The following CRAT variants were observed in gnomAD, a reference collection of about 807,000 sequenced individuals.
CRAT encodes carnitine O-acetyltransferase, also known as carnitine acetylase.
In CRAT, 66 loss-of-function variants were observed where a neutral mutation model predicts 73.7. The ratio of observed to expected loss-of-function variants is 0.90; its 90% confidence interval spans 0.73 to 1.10. The LOEUF (loss-of-function observed/expected upper bound fraction) is 1.10. CRAT is among the 50% of genes least tolerant of loss of function. CRAT has a pLI of 0.00. For synonymous variants in CRAT, 321 were observed against 343.2 expected (o/e 0.94, Z 0.71); for missense variants, 745 against 846.9 (o/e 0.88, Z 1.49).
intron 12 of CRAT, among the ~76,000 whole-genome samples, 197 bp downstream of exon 12, chr9:129,097,053 G>C (rs888815339): frequency 1.3e-5 from 2 of 149,082 alleles, no homozygotes; most frequent in African/African-American, 5.1e-5. Context: ...GGGCGACAGA[G>C]CAAGACTCCA....
At position 129,106,886 on chromosome 9, in the gene CRAT, T is replaced by C. The variant is rs1197939060; in HGVS notation, c.291+928A>G. ...CCCCCACCTCATTGGCAAGTGACAC[T>C]GGCACTGCCTCCAAAACAGTCCTGG... On this transcript the variant is annotated intron_variant, in intron 2 of 13. Transcript: ENST00000318080. This position sits in a 1 kb window ranked among gnomAD's most constrained non-coding sequence, Gnocchi z 4.0. Among the ~76,000 whole-genome samples, 1 of 152,154 alleles carries C rather than the reference T, an allele frequency of 6.6e-6. No individual in the cohort carries two copies.
chr9:129,109,151 T>C (rs1186039089), intron 1 of CRAT: 7 of 1,303,342 alleles, frequency 5.4e-6, no homozygotes, highest in Non-Finnish European at 7.1e-6. Flanking sequence ...TGCCAGGGAG[T>C]CAGGACAAAA....
chr9:129,097,996 C>G lies in CRAT; in HGVS notation c.1464+17G>C, dbSNP rs778155850. On this transcript the variant is annotated intron_variant, in intron 11 of 13. Transcript: ENST00000318080. Reference sequence around the variant, plus strand: ...GGCTCAGGCCCAGCTCACCCACCCTCGCCCCAGACCTCTCACCGTGACGCT... The same window carrying G: ...GGCTCAGGCCCAGCTCACCCACCCTGGCCCCAGACCTCTCACCGTGACGCT... 3 of 1,610,110 alleles carry G rather than the reference C, an allele frequency of 1.9e-6. No individual in the cohort carries two copies. The highest frequency in any genetic ancestry group is 1.1e-5 in the South Asian group (1 of 91,006).
rs1343824568 is a variant in CRAT, at chr9:129,107,581, C to T, written c.291+233G>A. 4.2e-6 allele frequency: 3 copies of T among 706,804 alleles called. No individual in the cohort carries two copies. The highest frequency in any genetic ancestry group is 7.8e-6 in the Non-Finnish European group (3 of 386,992). The allele number at this position is 706,804 out of a possible 1,614,324, so 43.8% of individuals were successfully genotyped here. A position where few individuals can be genotyped will look rare whatever the true frequency, so the allele number is the denominator to read the frequency against. On this transcript the variant is annotated intron_variant, in intron 2 of 13. Transcript: ENST00000318080. This position sits in a 1 kb window ranked among gnomAD's most constrained non-coding sequence, Gnocchi z 5.0. ...TCTGTCCTGGAACATGAAACCTTGT[C>T]CACAACCTGTATCCTGTTCATTACC... is the stretch of plus-strand genomic sequence containing the variant.
At chr9:129,102,250 TG>T in intron 5 of CRAT, 149 bp downstream of exon 5, 1 of 1,266,824 alleles carries the variant, frequency 7.9e-7, no homozygotes, top group Non-Finnish European at 1.1e-6. Context: ...CTGGCCTCCC[TG>T]GGCCCCCAAT....
At chr9:129,109,237 T>A in intron 1 of CRAT, 1 of 1,304,194 alleles carries the variant, frequency 7.7e-7, no homozygotes, top group Non-Finnish European at 1.0e-6. Flanking sequence ...GGACAGAGAC[T>A]GCCTGGCCGC....
Position 129,101,953 on chromosome 9 carries a change from C to T in CRAT, c.735G>A (p.Lys245=). 3 of 1,614,208 alleles carry T rather than the reference C, an allele frequency of 1.9e-6. No homozygotes were observed. The highest frequency in any genetic ancestry group is 2.5e-6 in the Non-Finnish European group (3 of 1,180,038). ...TGGAGGTGAGGATGCCCACAGGCTC[C>T]TTGTTGGTCTGTAGGGATGAGTTCC... is the stretch of plus-strand genomic sequence containing the variant. ...KIWNSSLQTN[K]EPVGILTSNH... The change falls in exon 6 of 14, where the codon AAG becomes AAA. Residue 245 remains lysine (K), a synonymous_variant. Coordinates refer to ENST00000318080, the MANE Select transcript of CRAT (RefSeq NM_000755.5).
chr9:129,101,205 G>A (rs887943115), intron 6 of CRAT, among the ~76,000 whole-genome samples: 7 of 152,200 alleles, frequency 4.6e-5, no homozygotes, highest in Non-Finnish European at 1.0e-4. Context: ...GGCCCACATT[G>A]CCTGCTCCAC....
intron 1 of CRAT, chr9:129,108,454 G>A: frequency 1.1e-5 from 13 of 1,169,666 alleles, no homozygotes; most frequent in Non-Finnish European, 1.4e-5. Context: ...CCCTCTTGGA[G>A]GTCCCCACGT....
chr9:129,100,969 G>T (rs1255541606), intron 6 of CRAT, among the ~76,000 whole-genome samples: 1 of 152,154 alleles, frequency 6.6e-6, no homozygotes, highest in Non-Finnish European at 1.5e-5. Flanking sequence ...AAGCCCAGGG[G>T]TCACATGGGA....
At chr9:129,100,138 A>G (rs1847570433) in intron 7 of CRAT, 172 bp from the exon 8 acceptor site, 1 of 597,334 alleles carries the variant, frequency 1.7e-6, no homozygotes, top group East Asian at 2.8e-5. Flanking sequence ...TGGTGTGCTA[A>G]GCACATCCCA....
At chr9:129,100,386 G>T in intron 7 of CRAT, 125 bp downstream of exon 7, 1 of 1,205,194 alleles carries the variant, frequency 8.3e-7, no homozygotes, top group Non-Finnish European at 1.1e-6. Flanking sequence ...CCAGCCTGCT[G>T]GCTTCCTGCC....
Position 129,095,415 on chromosome 9 carries a change from GT to G in CRAT, c.1862del (p.His621ProfsTer49). 1 of 1,611,816 alleles carries G rather than the reference GT, an allele frequency of 6.2e-7. No individual in the cohort carries two copies. The highest frequency in any genetic ancestry group is 8.5e-7 in the Non-Finnish European group (1 of 1,179,962). On this transcript the variant is annotated frameshift_variant, in exon 14 of 14. Coordinates refer to ENST00000318080, the MANE Select transcript of CRAT (RefSeq NM_000755.5). LOFTEE classifies it high-confidence loss of function. ...TAGGGGCTCAGAGCTTGGCCCGGGGGTGGCTCTGCAGCAGGGCACGCATGTC... is the reference window on the plus strand; with the variant it reads ...TAGGGGCTCAGAGCTTGGCCCGGGGGGGCTCTGCAGCAGGGCACGCATGTC... The part of the protein sequence containing the change: ...LLDMRALLQS[H>X]PRAKL
intron 1 of CRAT, chr9:129,108,336 C>T (rs1848150485): frequency 1.5e-5 from 18 of 1,217,458 alleles, no homozygotes; most frequent in South Asian, 9.1e-5. Context: ...TCAGGATGAA[C>T]GGCACCTTTG....
At position 129,096,130 on chromosome 9, in the gene CRAT, G is replaced by C; in HGVS notation, c.1533C>G (p.Ile511Met). The C allele has an allele frequency of 6.2e-7, 1 of 1,613,050 alleles. No homozygotes were observed. Among genetic ancestry groups the C allele is most frequent in the East Asian group, 2.2e-5 (1 of 44,876 alleles). ...QAHRGYTDRA[I>M]RGEAFDRHLL... ...GGTGTCGATCAAAGGCCTCCCCGCG[G>C]ATGGCCTGTTGGGGTGGGAGAGCTG... Residue 511 changes from isoleucine to methionine, a missense_variant, in exon 13 of 14, where the codon ATC becomes ATG. Ile to Met is a conservative substitution (Grantham distance 10). Coordinates refer to ENST00000318080, the MANE Select transcript of CRAT (RefSeq NM_000755.5).
At position 129,102,550 on chromosome 9, in the gene CRAT, C is replaced by A; in HGVS notation, c.480G>T (p.Val160=). The stretch of plus-strand genomic sequence containing the variant: ...ACAGTGGCTTCCCCCCCAGGTACTC[C>A]ACGGGCAGGGTCTCGCTATGGGGTA... The part of the protein sequence containing the change: ...KVMIDNETLP[V]EYLGGKPLCM... The change falls in exon 5 of 14, where the codon GTG becomes GTT. Residue 160 remains valine (V), a synonymous_variant. Transcript: ENST00000318080. 1 of 1,614,054 alleles carries A rather than the reference C, an allele frequency of 6.2e-7. No individual in the cohort carries two copies. The highest frequency in any genetic ancestry group is 8.5e-7 in the Non-Finnish European group (1 of 1,179,978).
chr9:129,106,018 C>G lies in CRAT; in HGVS notation c.292-1712G>C, dbSNP rs1470806648. Reference sequence around the variant, plus strand: ...ACAGCTTTCTCTGGCCTTCCACCCCCAGAGACCTGGGCCCACCTGCGCCCC... The same window carrying G: ...ACAGCTTTCTCTGGCCTTCCACCCCGAGAGACCTGGGCCCACCTGCGCCCC... On this transcript the variant is annotated intron_variant, in intron 2 of 13. Transcript: ENST00000318080. This position sits in a 1 kb window ranked among gnomAD's most constrained non-coding sequence, Gnocchi z 4.0. Among the ~76,000 whole-genome samples the G allele has an allele frequency of 1.3e-5, 2 of 152,304 alleles. No individual in the cohort carries two copies. Among genetic ancestry groups the G allele is most frequent in the South Asian group, 2.1e-4 (1 of 4,828 alleles).
At position 129,099,909 on chromosome 9, in the gene CRAT, C is replaced by T. The variant is rs768339349; in HGVS notation, c.1042G>A (p.Gly348Arg). 4 of 1,613,780 alleles carry T rather than the reference C, an allele frequency of 2.5e-6. No homozygotes were observed. Among genetic ancestry groups the T allele is most frequent in the African/African-American group, 1.3e-5 (1 of 75,038 alleles). The change falls in exon 8 of 14, where the codon GGG (glycine) becomes AGG (arginine). Residue 348 changes from glycine to arginine, a missense_variant. Physicochemically the swap from Gly to Arg is moderately radical, Grantham distance 125. Coordinates refer to ENST00000318080, the MANE Select transcript of CRAT (RefSeq NM_000755.5). ...TCCAGAAGGGTGACAATAGGGGGCC[C>T]CTCCGCTGCAGCATGCTCGTACACA... Reference protein sequence around the residue: ...GLVYEHAAAEGPPIVTLLDYV... With the variant: ...GLVYEHAAAERPPIVTLLDYV...
chr9:129,099,988 C>G (rs567549389), intron 7 of CRAT, 22 bp from the exon 8 acceptor site: 2 of 1,609,424 alleles, frequency 1.2e-6, no homozygotes, highest in African/African-American at 2.7e-5. Flanking sequence ...AAGGGAGACC[C>G]CGGTCAGCCC....
Sources: allele counts gnomAD v4.1 joint callset (sites outside exome capture counted in the v4.1 genomes callset), GRCh38; gene constraint gnomAD v4.1.1; non-coding constraint Gnocchi (gnomAD v3.1); transcripts MANE v1.5; gene names NCBI Gene and HGNC (gene_info 2026-07-23, HGNC 2026-07-21).